The following CADPS variants were observed in gnomAD, a reference collection of about 807,000 sequenced individuals.
CADPS encodes calcium dependent secretion activator, also known as calcium-dependent secretion activator 1.
A neutral mutation model predicts 167.3 loss-of-function variants in CADPS; 57 were observed. That is an observed-to-expected ratio of 0.34 (90% CI 0.28 to 0.42). The LOEUF (loss-of-function observed/expected upper bound fraction) is 0.42. Ranked by LOEUF, CADPS falls within the 20% of genes least tolerant of loss-of-function variation. The probability of loss-of-function intolerance (pLI) is 1.00; values close to 1 mark genes in which losing one functional copy is unlikely to be tolerated. For synonymous variants in CADPS, 676 were observed against 635.3 expected, an observed-to-expected ratio of 1.06 and a Z score of -0.96; for missense variants, 1,414 against 1,738.1, an observed-to-expected ratio of 0.81 and a Z score of 3.32.
chr3:62,444,294 T>C (rs991539084), intron 27 of CADPS, among the ~76,000 whole-genome samples: 2 of 152,200 alleles, frequency 1.3e-5, no homozygotes, highest in Admixed American at 6.5e-5. Flanking sequence ...CTATATGCAA[T>C]AGAGTGTGGA....
chr3:62,695,290 A>G (rs967028384), intron 3 of CADPS, among the ~76,000 whole-genome samples: 6 of 152,036 alleles, frequency 3.9e-5, no homozygotes, highest in African/African-American at 1.4e-4. Context: ...TGGAAATTCA[A>G]ATATGCATAT....
chr3:62,685,788 T>C (rs1176843434), intron 3 of CADPS, among the ~76,000 whole-genome samples: 1 of 152,076 alleles, frequency 6.6e-6, no homozygotes. Flanking sequence ...CCTAGATCCC[T>C]CGCATGTGCG....
chr3:62,579,914 C>T (rs973205695), intron 8 of CADPS, among the ~76,000 whole-genome samples: 2 of 152,066 alleles, frequency 1.3e-5, no homozygotes, highest in Admixed American at 1.3e-4. Flanking sequence ...AGGGGAGCAG[C>T]AATGGAGGCT....
chr3:62,416,932 T>G (rs1349670641), intron 28 of CADPS, among the ~76,000 whole-genome samples: 3 of 152,022 alleles, frequency 2.0e-5, no homozygotes, highest in African/African-American at 7.2e-5. Flanking sequence ...TTACCCAGGC[T>G]GGAGTGGAGT....
intron 1 of CADPS, among the ~76,000 whole-genome samples, chr3:62,853,005 T>C (rs551729567): frequency 1.3e-5 from 2 of 152,310 alleles, no homozygotes; most frequent in South Asian, 2.1e-4. Context: ...TTCCCAATTC[T>C]CCAGTGAGAT....
At chr3:62,585,094 T>C in intron 8 of CADPS, 91 bp downstream of exon 8, 1 of 1,212,844 alleles carries the variant, frequency 8.2e-7, no homozygotes, top group South Asian at 1.3e-5. Flanking sequence ...TTCTACATAG[T>C]TCTCTGAAGA....
rs149501330 is a variant in CADPS at position 62,558,579 on chromosome 3, G to T, written c.1645-1066C>A. ...TTGATCCCAGTGGGGGACATTTTTA[G>T]TCTCTTCTATAGTGAGATTTGTTTT... On this transcript the variant is annotated intron_variant, in intron 9 of 29. Transcript: ENST00000383710. 2.0e-5 allele frequency among the ~76,000 whole-genome samples: 3 copies of T among 152,300 alleles called. No homozygotes were observed. The East Asian group carries it at 5.8e-4, about 29-fold the overall frequency.
rs561982232 is a variant in CADPS at position 62,542,510 on chromosome 3, C to T, written c.1967-5929G>A. Among the ~76,000 whole-genome samples the T allele has an allele frequency of 2.0e-5, 3 of 152,140 alleles. No individual in the cohort carries two copies. In the South Asian group the frequency reaches 6.2e-4, roughly 32 times the overall value. Reference sequence around the variant, plus strand: ...AGCTTTCCTTGGAATAGTCAAGTAACCAGGGGATGTTGTGCCCTGCCTGAG... The same window carrying T: ...AGCTTTCCTTGGAATAGTCAAGTAATCAGGGGATGTTGTGCCCTGCCTGAG... On this transcript the variant is annotated intron_variant, in intron 11 of 29. Transcript: ENST00000383710.
chr3:62,682,779 G>C (rs543899216), intron 3 of CADPS, among the ~76,000 whole-genome samples: 1 of 151,800 alleles, frequency 6.6e-6, no homozygotes, highest in African/African-American at 2.4e-5. Flanking sequence ...ACAATGAAGA[G>C]TATAAAGAAA....
At chr3:62,851,343 T>G (rs1156974620) in intron 1 of CADPS, among the ~76,000 whole-genome samples, 2 of 123,172 alleles carry the variant, frequency 1.6e-5, no homozygotes, top group African/African-American at 6.2e-5. Context: ...ATTTTGCTCG[T>G]TAGTTGATGC....
chr3:62,862,091 T>A (rs887911478), intron 1 of CADPS, among the ~76,000 whole-genome samples: 3 of 151,916 alleles, frequency 2.0e-5, no homozygotes, highest in Admixed American at 6.6e-5. Flanking sequence ...CTAAATATAG[T>A]CTTCAAAATG....
chr3:62,716,905 G>T (rs1169668086), intron 3 of CADPS, among the ~76,000 whole-genome samples: 6 of 152,222 alleles, frequency 3.9e-5, no homozygotes, highest in South Asian at 4.2e-4. Flanking sequence ...AAATGTTAAT[G>T]GTTCATAAGA....
chr3:62,626,585 T>C lies in CADPS; in HGVS notation c.1325+19137A>G, dbSNP rs976249992. On this transcript the variant is annotated intron_variant, in intron 6 of 29. Transcript: ENST00000383710. ...TTCTCCTGATTACCCTAGGAAGAAG[T>C]TCTCAGTGTGAAGGAAGAACGTCTT... 1.7e-5 allele frequency: 12 copies of C among 701,628 alleles called. No homozygotes were observed. In the African/African-American group the frequency reaches 1.9e-4, roughly 11 times the overall value. 43.5% of individuals were successfully genotyped at this position (701,628 alleles called of 1,614,324 possible). A position where few individuals can be genotyped will look rare whatever the true frequency, so the allele number is the denominator to read the frequency against.
chr3:62,572,752 T>C (rs1035132485), intron 8 of CADPS, among the ~76,000 whole-genome samples: 22 of 152,348 alleles, frequency 1.4e-4, no homozygotes, highest in African/African-American at 4.8e-4. Context: ...ATTACACTTG[T>C]CCCTCAGTAT....
chr3:62,667,867 C>T (rs1394222382), intron 3 of CADPS, among the ~76,000 whole-genome samples: 1 of 152,016 alleles, frequency 6.6e-6, no homozygotes, highest in Non-Finnish European at 1.5e-5. Context: ...ATGATTCACA[C>T]CTGGGAATGC....
rs72884018 is a variant in CADPS, at chr3:62,868,066, T to A, written c.441+6523A>T. Among the ~76,000 whole-genome samples, 774 of 152,228 alleles carry A rather than the reference T, an allele frequency of 5.1e-3. 7 individuals carry two copies. Among genetic ancestry groups the A allele is most frequent in the African/African-American group, 0.017 (726 of 41,564 alleles). ...AATGCATTGGCTGAATTCATCCCCCTTTCCTCATCTGTTAAAAACAGAAAT... is the reference window on the plus strand; with the variant it reads ...AATGCATTGGCTGAATTCATCCCCCATTCCTCATCTGTTAAAAACAGAAAT... On this transcript the variant is annotated intron_variant, in intron 1 of 29. Transcript: ENST00000383710.
intron 16 of CADPS, chr3:62,513,832 A>G (rs2068399855): frequency 4.8e-6 from 3 of 629,562 alleles, no homozygotes; most frequent in South Asian, 3.9e-5. Flanking sequence ...TGGGATAAAC[A>G]CAGGATAAAA....
At chr3:62,855,437 G>T (rs1449035839) in intron 1 of CADPS, among the ~76,000 whole-genome samples, 1 of 151,942 alleles carries the variant, frequency 6.6e-6, no homozygotes, top group Non-Finnish European at 1.5e-5. Context: ...ATCATGCCAT[G>T]ATTAGTAGTA....
intron 12 of CADPS, among the ~76,000 whole-genome samples, chr3:62,535,364 T>G (rs2074473806): frequency 6.6e-6 from 1 of 151,810 alleles, no homozygotes; most frequent in South Asian, 2.1e-4. Context: ...TAATAAATTA[T>G]TCCACATAAT....
Sources: allele counts gnomAD v4.1 joint callset (sites outside exome capture counted in the v4.1 genomes callset), GRCh38; gene constraint gnomAD v4.1.1; transcripts MANE v1.5; gene names NCBI Gene and HGNC (gene_info 2026-07-23, HGNC 2026-07-21).